DDX60: variants seen among roughly 807,000 people sequenced by gnomAD.
DDX60 encodes the protein DExD/H-box helicase 60.
A neutral mutation model predicts 212.8 loss-of-function variants in DDX60; 165 were observed. The observed-to-expected ratio is 0.78, with a 90% CI of 0.68 to 0.88. The LOEUF (loss-of-function observed/expected upper bound fraction) is 0.88, where lower values mean the gene tolerates loss of function less well. DDX60 is among the 40% of genes least tolerant of loss of function. The pLI is 0.00. For missense variants in DDX60, 1,905 were observed against 2,003.9 expected (o/e 0.95, Z 0.94); for synonymous variants, 703 against 685.3 (o/e 1.03, Z -0.40).
chr4:168,222,242 A>G (rs990863570), intron 35 of DDX60, among the ~76,000 whole-genome samples: 13 of 152,212 alleles, frequency 8.5e-5, no homozygotes, highest in African/African-American at 3.1e-4. Context: ...AGAGGATTAT[A>G]CATCACAAGA....
At position 168,279,886 on chromosome 4, in the gene DDX60, A is replaced by G. The variant is rs138735821; in HGVS notation, c.1978+449T>C. Among the ~76,000 whole-genome samples, 312 of 152,326 alleles carry G rather than the reference A, an allele frequency of 2.0e-3. 1 individual carries two copies. The highest frequency in any genetic ancestry group is 7.2e-3 in the African/African-American group (298 of 41,574). On this transcript the variant is annotated intron_variant, in intron 14 of 37. Coordinates refer to ENST00000393743, the MANE Select transcript of DDX60 (RefSeq NM_017631.6). ...AATATGGAATACAATTCTCAGATGG[A>G]ACACAGCATTAAAGTCACCCATATA...
chr4:168,259,967 CA>C (rs1041785539), intron 25 of DDX60, among the ~76,000 whole-genome samples: 28 of 151,304 alleles, frequency 1.9e-4, no homozygotes, highest in Non-Finnish European at 2.8e-4. Context: ...TAAAAATTAA[CA>C]AGGCTAAATA....
intron 1 of DDX60, among the ~76,000 whole-genome samples, chr4:168,315,488 C>T (rs1737325056): frequency 6.6e-6 from 1 of 152,064 alleles, no homozygotes; most frequent in Non-Finnish European, 1.5e-5. Flanking sequence ...ATACATGTGC[C>T]ATGGTGGTTT....
intron 22 of DDX60, among the ~76,000 whole-genome samples, chr4:168,266,007 G>T (rs1734834410): frequency 6.6e-6 from 1 of 152,050 alleles, no homozygotes; most frequent in Admixed American, 6.6e-5. Flanking sequence ...CCATATTTAG[G>T]TTTATTTAGA....
At position 168,251,064 on chromosome 4, in the gene DDX60, CTT is replaced by C; in HGVS notation, c.3746_3747del (p.Lys1249ArgfsTer2). 1.2e-6 allele frequency: 2 copies of C among 1,613,530 alleles called. No homozygotes were observed. The highest frequency in any genetic ancestry group is 1.7e-6 in the Non-Finnish European group (2 of 1,179,818). ...KVFGRVKFERKGEELKALAER... is the reference protein window; with the variant it reads ...KVFGRVKFERXGEELKALAER... ...TCTGCCAAGGCTTTCAATTCTTCAC[CTT>C]TTCTTTCAAATTTTACTCGACCAAA... On this transcript the variant is annotated frameshift_variant, in exon 28 of 38. Transcript: ENST00000393743. LOFTEE classifies it high-confidence loss of function.
chr4:168,279,428 C>A (rs561289689), intron 14 of DDX60, among the ~76,000 whole-genome samples: 3 of 152,230 alleles, frequency 2.0e-5, no homozygotes, highest in African/African-American at 7.2e-5. Context: ...GCCACATACA[C>A]CTGCCTGGTG....
At chr4:168,318,307 T>A (rs1199836292) in intron 1 of DDX60, among the ~76,000 whole-genome samples, 1 of 152,226 alleles carries the variant, frequency 6.6e-6, no homozygotes, top group African/African-American at 2.4e-5. Flanking sequence ...CCTTAATTTC[T>A]CCTCAACCTC....
intron 37 of DDX60, among the ~76,000 whole-genome samples, chr4:168,219,217 G>A (rs967451014): frequency 6.6e-6 from 1 of 151,698 alleles, no homozygotes; most frequent in Non-Finnish European, 1.5e-5. Flanking sequence ...GCTTGAACCT[G>A]GGAGGTGAGG....
At position 168,311,285 on chromosome 4, in the gene DDX60, C is replaced by A. The variant is rs1428853432; in HGVS notation, c.-26G>T. 5.0e-6 allele frequency: 8 copies of A among 1,612,368 alleles called. No individual in the cohort carries two copies. The highest frequency in any genetic ancestry group is 6.8e-6 in the Non-Finnish European group (8 of 1,179,244). ...TCTTGCTGCTGCCTGTGCCTCCAAC[C>A]TGAACTGGCAAGTATTAAAGGTAGC... On this transcript the variant is annotated 5_prime_UTR_variant, in exon 2 of 38. It adds an upstream start codon to the 5' untranslated region. Transcript: ENST00000393743.
intron 6 of DDX60, among the ~76,000 whole-genome samples, chr4:168,295,084 G>A (rs1736282819): frequency 6.6e-6 from 1 of 152,134 alleles, no homozygotes; most frequent in South Asian, 2.1e-4. Flanking sequence ...AAGATAACAA[G>A]TGTCAGAGAG....
At chr4:168,239,424 A>G (rs532601604) in intron 30 of DDX60, among the ~76,000 whole-genome samples, 1 of 147,468 alleles carries the variant, frequency 6.8e-6, no homozygotes, top group South Asian at 2.2e-4. Flanking sequence ...AGGTAGGTAG[A>G]TGGATAGAAA....
chr4:168,314,916 C>T (rs896209334), intron 1 of DDX60, among the ~76,000 whole-genome samples: 1 of 152,048 alleles, frequency 6.6e-6, no homozygotes, highest in Non-Finnish European at 1.5e-5. Context: ...AAAGAGAAAA[C>T]TACGCCTAGG....
chr4:168,323,016 G>A (rs1370220589), upstream of DDX60, among the ~76,000 whole-genome samples: 1 of 152,208 alleles, frequency 6.6e-6, no homozygotes, highest in Non-Finnish European at 1.5e-5. Context: ...AGGTGGGAAG[G>A]CTTTGGAGCT....
Position 168,224,537 on chromosome 4 carries a change from G to T in DDX60, c.4682-152C>A, listed in dbSNP as rs1257523837. 1.0e-5 allele frequency: 7 copies of T among 691,158 alleles called. No homozygotes were observed. In the East Asian group the frequency reaches 1.9e-4, roughly 19 times the overall value. 42.8% of individuals were successfully genotyped at this position (691,158 alleles called of 1,614,324 possible). A position where few individuals can be genotyped will look rare whatever the true frequency, so the allele number is the denominator to read the frequency against. Reference sequence around the variant, plus strand: ...TCGTAAGTTATATCGCATAAGGTTAGTAGCACAGCTTGGCACAGAATACAT... The same window carrying T: ...TCGTAAGTTATATCGCATAAGGTTATTAGCACAGCTTGGCACAGAATACAT... On this transcript the variant is annotated intron_variant, in intron 34 of 37. Transcript: ENST00000393743.
chr4:168,315,968 T>C (rs961203477), intron 1 of DDX60, among the ~76,000 whole-genome samples: 1 of 152,196 alleles, frequency 6.6e-6, no homozygotes, highest in African/African-American at 2.4e-5. Context: ...GGTCGAATAG[T>C]ATTTCTGGTT....
chr4:168,249,366 G>T (rs1344174576), intron 28 of DDX60, among the ~76,000 whole-genome samples: 2 of 152,082 alleles, frequency 1.3e-5, no homozygotes, highest in Admixed American at 6.6e-5. Context: ...CATGCCAATG[G>T]TTAGTATTAA....
intron 29 of DDX60, 43 bp downstream of exon 29, chr4:168,248,145 T>C (rs763135641): frequency 1.5e-6 from 2 of 1,348,520 alleles, no homozygotes; most frequent in South Asian, 1.3e-5. Flanking sequence ...GCTATGGCCA[T>C]ATTTCAGCAA....
intron 32 of DDX60, 145 bp downstream of exon 32, chr4:168,237,141 A>C: frequency 1.9e-6 from 1 of 518,044 alleles, no homozygotes; most frequent in Non-Finnish European, 3.0e-6. Flanking sequence ...GTAGGTATTT[A>C]CTTTATCAAT....
chr4:168,219,402 T>C (rs17611110), intron 37 of DDX60, among the ~76,000 whole-genome samples: 43,614 of 152,052 alleles, frequency 0.29, 6,451 homozygotes, highest in South Asian at 0.41. Context: ...GATTGATTGA[T>C]TGATTTCCTT....
Sources: allele counts gnomAD v4.1 joint callset (sites outside exome capture counted in the v4.1 genomes callset), GRCh38; gene constraint gnomAD v4.1.1; transcripts MANE v1.5; gene names NCBI Gene and HGNC (gene_info 2026-07-23, HGNC 2026-07-21).